Variants in CDH4 observed in about 807,000 individuals in gnomAD.
The protein encoded by CDH4 is cadherin-4.
In CDH4, 33 loss-of-function variants were observed where a neutral mutation model predicts 86.0. The observed-to-expected ratio is 0.38, with a 90% CI of 0.29 to 0.51. CDH4 has a LOEUF of 0.51. Among genes scored for constraint, CDH4 ranks in the 20% least tolerant of loss-of-function variants. CDH4 has a pLI of 0.86. For synonymous variants in CDH4, 555 were observed against 549.4 expected (o/e 1.01, Z -0.14); for missense variants, 1,114 against 1,307.4 (o/e 0.85, Z 2.28).
At chr20:61,679,102 A>C (rs1160922233) in intron 2 of CDH4, among the ~76,000 whole-genome samples, 1 of 152,182 alleles carries the variant, frequency 6.6e-6, no homozygotes, top group East Asian at 1.9e-4. Flanking sequence ...CGAACAGCAC[A>C]CACGGTGACA....
intron 2 of CDH4, among the ~76,000 whole-genome samples, chr20:61,447,211 C>T (rs551961011): frequency 2.6e-5 from 4 of 151,944 alleles, no homozygotes; most frequent in African/African-American, 9.7e-5. Context: ...GGCTGGTGTG[C>T]GGTGGTGCGA....
At chr20:61,533,397 G>T (rs2085970737) in intron 2 of CDH4, among the ~76,000 whole-genome samples, 1 of 152,234 alleles carries the variant, frequency 6.6e-6, no homozygotes, top group Non-Finnish European at 1.5e-5. Flanking sequence ...CTGATGTAAA[G>T]CTGCGTCGCC....
intron 7 of CDH4, among the ~76,000 whole-genome samples, chr20:61,890,970 C>G (rs1984794064): frequency 6.6e-6 from 1 of 152,114 alleles, no homozygotes; most frequent in Admixed American, 6.5e-5. Context: ...CTGTCCGGGT[C>G]ACGCTGCACC....
intron 2 of CDH4, among the ~76,000 whole-genome samples, chr20:61,565,204 C>CCTCTTGGTGTTGGTT (rs1568688378): frequency 2.0e-5 from 1 of 50,284 alleles, no homozygotes; most frequent in African/African-American, 1.3e-4. Context: ...TGGTGGTGGT[C>CCTCTTGGTGTTGGTT]GCGGTGCTCT....
At chr20:61,591,693 T>G (rs1600788556) in intron 2 of CDH4, among the ~76,000 whole-genome samples, 1 of 152,380 alleles carries the variant, frequency 6.6e-6, no homozygotes, top group Middle Eastern at 3.4e-3. Context: ...TCTGTTCTGC[T>G]AAACCCTATT....
chr20:61,628,011 GC>G (rs1360993149), intron 2 of CDH4, among the ~76,000 whole-genome samples: 1 of 152,070 alleles, frequency 6.6e-6, no homozygotes, highest in Admixed American at 6.5e-5. Flanking sequence ...AAGCCAACGT[GC>G]CCCACCAGGA....
intron 11 of CDH4, 57 bp from the exon 12 acceptor site, chr20:61,928,133 G>C (rs2055064867): frequency 2.3e-6 from 3 of 1,311,778 alleles, no homozygotes; most frequent in Admixed American, 1.7e-5. Context: ...GTGGAGCTGT[G>C]GGTTGGTCAT....
chr20:61,394,905 C>T (rs1214249809), intron 2 of CDH4, among the ~76,000 whole-genome samples: 1 of 139,866 alleles, frequency 7.1e-6, no homozygotes, highest in Non-Finnish European at 1.5e-5. Flanking sequence ...CTGTCACCCC[C>T]ACCCCGCCCA....
At chr20:61,619,732 C>T (rs1005824961) in intron 2 of CDH4, among the ~76,000 whole-genome samples, 7 of 152,172 alleles carry the variant, frequency 4.6e-5, no homozygotes, top group Non-Finnish European at 7.3e-5. Flanking sequence ...CGCTGTTGGA[C>T]GGGGCTGAGT....
intron 11 of CDH4, among the ~76,000 whole-genome samples, chr20:61,926,555 G>A (rs577771045): frequency 6.6e-6 from 1 of 152,314 alleles, no homozygotes; most frequent in South Asian, 2.1e-4. Flanking sequence ...CGCAGCTCAA[G>A]CCCTGAGGTT....
intron 2 of CDH4, among the ~76,000 whole-genome samples, chr20:61,563,345 C>G (rs926475741): frequency 6.6e-6 from 1 of 152,240 alleles, no homozygotes; most frequent in East Asian, 1.9e-4. Context: ...AAGAAGGACC[C>G]TTGTAGGTGC....
intron 2 of CDH4, among the ~76,000 whole-genome samples, chr20:61,411,739 T>A (rs2085120814): frequency 6.6e-6 from 1 of 152,026 alleles, no homozygotes; most frequent in Non-Finnish European, 1.5e-5. Context: ...GGAAGTAGTG[T>A]GGGAGGTTGG....
intron 2 of CDH4, among the ~76,000 whole-genome samples, chr20:61,391,994 G>T (rs542264311): frequency 6.6e-6 from 1 of 152,224 alleles, no homozygotes; most frequent in East Asian, 1.9e-4. Flanking sequence ...CAGTGACTCA[G>T]CATGGAGATA....
intron 4 of CDH4, among the ~76,000 whole-genome samples, chr20:61,789,642 T>A (rs1165006677): frequency 6.6e-6 from 1 of 152,246 alleles, no homozygotes; most frequent in East Asian, 1.9e-4. Flanking sequence ...GTTCCTCATG[T>A]CGCTGCGTGC....
intron 7 of CDH4, among the ~76,000 whole-genome samples, chr20:61,894,701 C>T (rs546036125): frequency 2.0e-5 from 3 of 152,276 alleles, no homozygotes; most frequent in South Asian, 4.1e-4. Flanking sequence ...CGCACCTTAA[C>T]GCATGGCAAG....
chr20:61,639,147 G>A (rs2086979295), intron 2 of CDH4, among the ~76,000 whole-genome samples: 1 of 152,238 alleles, frequency 6.6e-6, no homozygotes, highest in Non-Finnish European at 1.5e-5. Flanking sequence ...TCTGGCGACG[G>A]TTCTGAGGTC....
At chr20:61,437,448 C>T (rs893185451) in intron 2 of CDH4, 4 of 152,314 alleles carry the variant, frequency 2.6e-5, no homozygotes, top group Non-Finnish European at 4.4e-5. Flanking sequence ...CAAAATGCCT[C>T]GCTTCCTTTT....
intron 2 of CDH4, among the ~76,000 whole-genome samples, chr20:61,533,519 G>A (rs1330107756): frequency 6.6e-6 from 1 of 152,250 alleles, no homozygotes; most frequent in Non-Finnish European, 1.5e-5. Flanking sequence ...TGAGGACCGG[G>A]GCTCAGCCTC....
In CDH4 at chr20:61,658,628, C is replaced by T. The variant is rs538588203; in HGVS notation, c.170-84935C>T. On this transcript the variant is annotated intron_variant, in intron 2 of 15. Coordinates refer to ENST00000614565, the MANE Select transcript of CDH4 (RefSeq NM_001794.5). ...GGCCCTGGGCAGGGGCTCGCCACCC[C>T]ATACATGTCCTGGCCCAGGAGCCCT... 3.3e-5 allele frequency among the ~76,000 whole-genome samples: 5 copies of T among 152,316 alleles called. No individual in the cohort carries two copies. In the South Asian group the frequency reaches 6.2e-4, roughly 19 times the overall value.
Sources: gnomAD v4.1 joint callset for allele counts (sites outside exome capture counted in the v4.1 genomes callset) on GRCh38, gnomAD v4.1.1 for gene constraint, MANE v1.5 for transcripts, NCBI Gene and HGNC (gene_info 2026-07-23, HGNC 2026-07-21) for gene names.